The following PAX6 variants were observed in gnomAD, a reference collection of about 807,000 sequenced individuals.
PAX6 encodes paired box protein Pax-6.
A neutral mutation model predicts 60.7 loss-of-function variants in PAX6; 7 were observed. That is an observed-to-expected ratio of 0.12 (90% confidence interval 0.07 to 0.22). The LOEUF (loss-of-function observed/expected upper bound fraction) is 0.22. Ranked by LOEUF, PAX6 falls within the 10% of genes least tolerant of loss-of-function variation. The pLI, the probability that PAX6 is intolerant of heterozygous loss-of-function variation, is 1.00. For missense variants in PAX6, 355 were observed against 555.2 expected (o/e 0.64, Z 3.62); for synonymous variants, 208 against 201.2 (o/e 1.03, Z -0.29).
chr11:31,806,261 G>A, intron 4 of PAX6, 141 bp downstream of exon 4: 2 of 895,174 alleles, frequency 2.2e-6, no homozygotes, highest in Admixed American at 3.2e-5. Context: ...GCGCGGAGCG[G>A]GGAGCAGCCG....
chr11:31,805,446 G>A (rs997228489), intron 4 of PAX6: 1 of 152,636 alleles, frequency 6.6e-6, no homozygotes, highest in Admixed American at 6.5e-5. Context: ...ATAAGGTGCT[G>A]GGGACCCTCC....
In PAX6 at chr11:31,801,675, T is replaced by G. The variant is rs1176310216; in HGVS notation, c.285A>C (p.Pro95=). ...IGGSKPRVAT[P]EVVSKIAQYK... The stretch of plus-strand genomic sequence containing the variant: ...ACTGGGCTATTTTGCTTACAACTTC[T>G]GGAGTCGCTACTCTCGGTTTACTAC... Residue 95 remains proline, a synonymous_variant, in exon 7 of 14, where the codon CCA becomes CCC. Coordinates refer to ENST00000640368, the MANE Select transcript of PAX6 (RefSeq NM_001368894.2). 1.2e-6 allele frequency: 2 copies of G among 1,614,060 alleles called. No homozygotes were observed. Among genetic ancestry groups the G allele is most frequent in the Non-Finnish European group, 1.7e-6 (2 of 1,180,038 alleles).
rs891780172 is a variant in PAX6 at position 31,789,140 on chromosome 11, C to CA, written c.*793dup. The CA allele has an allele frequency of 1.5e-5, 3 of 203,040 alleles. No individual in the cohort carries two copies. The highest frequency in any genetic ancestry group is 4.6e-5 in the African/African-American group (2 of 43,636). The allele number at this position is 203,040 out of a possible 1,614,324, so 12.6% of individuals were successfully genotyped here. On this transcript the variant is annotated 3_prime_UTR_variant, in exon 14 of 14. Coordinates refer to ENST00000640368, the MANE Select transcript of PAX6 (RefSeq NM_001368894.2). ...CTAAGAACAATTAACTTTTGCTGGC[C>CA]AAAAAAGAAACGTATGATTGCATGA...
intron 13 of PAX6, 91 bp from the exon 14 acceptor site, chr11:31,790,110 A>C (rs190644369): frequency 5.6e-5 from 45 of 799,186 alleles, no homozygotes; most frequent in Non-Finnish European, 8.5e-5. Flanking sequence ...AAAAAAAAAA[A>C]AAAAAAAAAA....
chr11:31,797,217 C>T (rs1173138569), intron 8 of PAX6, among the ~76,000 whole-genome samples: 2 of 152,152 alleles, frequency 1.3e-5, no homozygotes, highest in Non-Finnish European at 2.9e-5. Flanking sequence ...CTAGGGGCCC[C>T]ATCTCGGTCC....
chr11:31,802,825 C>T lies in PAX6; in HGVS notation c.20G>A (p.Gly7Glu). The change falls in exon 5 of 14, where the codon GGA becomes GAA. Residue 7 changes from glycine to glutamate, a missense_variant. Around this residue, in one of 5 missense-constraint regions of PAX6, gnomAD observed 41 missense variants for 77.1 expected, o/e 0.53. Coordinates refer to ENST00000640368, the MANE Select transcript of PAX6 (RefSeq NM_001368894.2). The stretch of plus-strand genomic sequence containing the variant: ...AAAGACACCACCGAGCTGATTCACT[C>T]CGCTGTGACCTGAGGAAAGGGAGAG... MQNSHS[G>E]VNQLGGVFVN... 6.2e-7 allele frequency: 1 copy of T among 1,613,676 alleles called. No homozygotes were observed. Among genetic ancestry groups the T allele is most frequent in the Non-Finnish European group, 8.5e-7 (1 of 1,179,936 alleles).
intron 5 of PAX6, 135 bp from the exon 6 acceptor site, chr11:31,802,047 T>G: frequency 1.3e-6 from 1 of 773,132 alleles, no homozygotes; most frequent in Middle Eastern, 3.7e-4. Context: ...AAAACGAATT[T>G]AAAAGCTTTT....
chr11:31,798,220 G>C (rs1476945347), intron 8 of PAX6, among the ~76,000 whole-genome samples: 1 of 151,444 alleles, frequency 6.6e-6, no homozygotes, highest in Non-Finnish European at 1.5e-5. Flanking sequence ...GTGGGGTGAG[G>C]GGAGGAGATA....
At chr11:31,803,090 A>G in intron 4 of PAX6, 2 of 487,534 alleles carry the variant, frequency 4.1e-6, no homozygotes, top group Non-Finnish European at 7.2e-6. Flanking sequence ...CAGCCATGCC[A>G]GACATCGGGC....
At chr11:31,808,133 A>G (rs537642524) in intron 2 of PAX6, 3 of 151,718 alleles carry the variant, frequency 2.0e-5, no homozygotes, top group Non-Finnish European at 4.4e-5. Context: ...TCACAGCATC[A>G]TTTCTCTCTG....
intron 2 of PAX6, chr11:31,807,943 A>G (rs1293999108): frequency 1.3e-5 from 2 of 152,196 alleles, no homozygotes; most frequent in Non-Finnish European, 2.9e-5. Context: ...TGAGTGGAGA[A>G]AATAGAAAAG....
chr11:31,812,217 G>A (rs1352279619), upstream of PAX6: 1 of 150,998 alleles, frequency 6.6e-6, no homozygotes, highest in Admixed American at 6.6e-5. Context: ...AGGAGGGGAA[G>A]CCAGGGGAGA....
intron 8 of PAX6, among the ~76,000 whole-genome samples, chr11:31,796,832 G>T (rs1951722395): frequency 6.6e-6 from 1 of 152,134 alleles, no homozygotes; most frequent in Non-Finnish European, 1.5e-5. Context: ...TAGTAACTGA[G>T]CCCCATCTGG....
At chr11:31,796,475 A>C in intron 8 of PAX6, among the ~76,000 whole-genome samples, 1 of 65,908 alleles carries the variant, frequency 1.5e-5, no homozygotes, top group South Asian at 5.6e-4. Flanking sequence ...GGCTGGGGGG[A>C]TGGAGGGTGG....
chr11:31,806,775 G>A (rs1955912628), intron 3 of PAX6, 74 bp downstream of exon 3: 1 of 279,908 alleles, frequency 3.6e-6, no homozygotes, highest in African/African-American at 2.2e-5. Flanking sequence ...GAACTATAGT[G>A]AAGAAGCATA....
chr11:31,798,233 A>G (rs1008849456), intron 8 of PAX6, among the ~76,000 whole-genome samples: 9 of 151,940 alleles, frequency 5.9e-5, no homozygotes, highest in Non-Finnish European at 8.8e-5. Flanking sequence ...AGGAGATAAG[A>G]AAAAGTGTCT....
chr11:31,803,886 C>G (rs193265309), intron 4 of PAX6: 32 of 152,392 alleles, frequency 2.1e-4, no homozygotes, highest in Admixed American at 1.8e-3. Context: ...TTTGTAGTCC[C>G]CCTCCCCAAA....
intron 8 of PAX6, among the ~76,000 whole-genome samples, chr11:31,796,848 G>A (rs1951727093): frequency 6.6e-6 from 1 of 152,118 alleles, no homozygotes; most frequent in South Asian, 2.1e-4. Flanking sequence ...TCTGGACTCT[G>A]GGTCTTTGCA....
chr11:31,809,746 T>C (rs1956648620), intron 2 of PAX6: 1 of 152,226 alleles, frequency 6.6e-6, no homozygotes, highest in Non-Finnish European at 1.5e-5. Flanking sequence ...GGAAGGCCAA[T>C]GCTTTCATAC....
Sources: gnomAD v4.1 joint callset for allele counts (sites outside exome capture counted in the v4.1 genomes callset) on GRCh38, gnomAD v4.1.1 for gene constraint, gnomAD v4.1.1 regional missense constraint, MANE v1.5 for transcripts, NCBI Gene and HGNC (gene_info 2026-07-23, HGNC 2026-07-21) for gene names.